The following NOL10 variants were observed in gnomAD, a reference collection of about 807,000 sequenced individuals.
The protein encoded by NOL10 is H_NH0074G24.1.
Under a neutral mutation model 103.5 loss-of-function variants are expected in NOL10, and 58 were observed. The ratio of observed to expected loss-of-function variants is 0.56; its 90% CI spans 0.45 to 0.70. The LOEUF is 0.70. NOL10 is among the 30% of genes least tolerant of loss of function. The pLI, the probability that NOL10 is intolerant of heterozygous loss-of-function variation, is 0.00. For missense variants in NOL10, 763 were observed against 807.3 expected (o/e 0.95, Z 0.67); for synonymous variants, 287 against 282.5 (o/e 1.02, Z -0.16).
chr2:10,627,728 A>T (rs1457173982), intron 13 of NOL10, among the ~76,000 whole-genome samples: 2 of 150,322 alleles, frequency 1.3e-5, no homozygotes, highest in Non-Finnish European at 3.0e-5. Flanking sequence ...ACAACAAAAA[A>T]CACATCTTTT....
chr2:10,602,498 T>G (rs1410939983), intron 16 of NOL10, among the ~76,000 whole-genome samples: 2 of 152,190 alleles, frequency 1.3e-5, no homozygotes, highest in African/African-American at 4.8e-5. Flanking sequence ...AAAAATGCTA[T>G]CAGGTTTCTA....
intron 13 of NOL10, among the ~76,000 whole-genome samples, chr2:10,617,482 TAAAC>T (rs774080774): frequency 5.3e-5 from 8 of 152,282 alleles, no homozygotes; most frequent in Middle Eastern, 3.4e-3. Flanking sequence ...GGACAGTCAC[TAAAC>T]AAACAACCAC....
intron 19 of NOL10, among the ~76,000 whole-genome samples, chr2:10,588,200 A>T (rs1675214346): frequency 6.6e-6 from 1 of 152,188 alleles, no homozygotes. Flanking sequence ...TTTTTTGGGG[A>T]AGGTTAATTT....
At chr2:10,576,585 T>C (rs984962761) in intron 20 of NOL10, among the ~76,000 whole-genome samples, 10 of 152,334 alleles carry the variant, frequency 6.6e-5, no homozygotes, top group African/African-American at 1.9e-4. Flanking sequence ...CTTGAAAACA[T>C]TATGCTCAGT....
rs1681268681 is a variant in NOL10 at position 10,675,817 on chromosome 2, A to G, written c.266T>C (p.Phe89Ser). The G allele has an allele frequency of 6.3e-7, 1 of 1,576,698 alleles. No homozygotes were observed. Among genetic ancestry groups the G allele is most frequent in the Admixed American group, 1.8e-5 (1 of 54,978 alleles). The change falls in exon 4 of 21, where the codon TTT becomes TCT. Residue 89 changes from phenylalanine (F) to serine (S), a missense_variant. Physicochemically the swap from Phe to Ser is radical, Grantham distance 155 (BLOSUM62 -2). Coordinates refer to ENST00000381685, the MANE Select transcript of NOL10 (RefSeq NM_024894.4). ...CYDTYQLSLK[F>S]ERCLDSEVVT... is the part of the protein sequence containing the mutation. ...ACCTTCTGAATCTAAACACCTTTCA[A>G]ACTTCAAGGATAATTGATAGGTGTC...
Position 10,571,944 on chromosome 2 carries a change from C to G in NOL10, c.*127G>C. ...AAGGCACAGGTTTTCAAATCTTTAC[C>G]TCTGTGTACAAGAACGTACATGAAC... On this transcript the variant is annotated 3_prime_UTR_variant, in exon 21 of 21. Coordinates refer to ENST00000381685, the MANE Select transcript of NOL10 (RefSeq NM_024894.4). 1 of 1,152,432 alleles carries G rather than the reference C, an allele frequency of 8.7e-7. No homozygotes were observed. The highest frequency in any genetic ancestry group is 1.2e-6 in the Non-Finnish European group (1 of 814,208). 71.4% of individuals were successfully genotyped at this position (1,152,432 alleles called of 1,614,324 possible). A position where few individuals can be genotyped will look rare whatever the true frequency, so the allele number is the denominator to read the frequency against.
chr2:10,667,007 G>A (rs922506499), intron 8 of NOL10, among the ~76,000 whole-genome samples: 1 of 152,146 alleles, frequency 6.6e-6, no homozygotes, highest in African/African-American at 2.4e-5. Context: ...ATTGGTAAGT[G>A]TGAAGGACAT....
At chr2:10,576,907 C>T (rs1267057614) in intron 20 of NOL10, among the ~76,000 whole-genome samples, 1 of 141,038 alleles carries the variant, frequency 7.1e-6, no homozygotes, top group Non-Finnish European at 1.6e-5. Context: ...CCTACTACTG[C>T]TTAAGGAAAA....
chr2:10,618,345 G>A lies in NOL10; in HGVS notation c.1027-11034C>T, dbSNP rs541365082. On this transcript the variant is annotated intron_variant, in intron 13 of 20. Transcript: ENST00000381685. Reference sequence around the variant, plus strand: ...TTTCAGGATGTGGACATCTGCTCAAGGCTCAGGCCAGAGCTCTTAGAAAGA... The same window carrying A: ...TTTCAGGATGTGGACATCTGCTCAAAGCTCAGGCCAGAGCTCTTAGAAAGA... Among the ~76,000 whole-genome samples, 65 of 152,230 alleles carry A rather than the reference G, an allele frequency of 4.3e-4. No homozygotes were observed. The South Asian group carries it at 0.013, about 30-fold the overall frequency.
At chr2:10,655,390 C>A (rs551022888) in intron 11 of NOL10, among the ~76,000 whole-genome samples, 2 of 152,148 alleles carry the variant, frequency 1.3e-5, no homozygotes, top group South Asian at 2.1e-4. Context: ...ATGCCTGCAC[C>A]GCAAGGTTTC....
chr2:10,582,244 C>T (rs1172826437), intron 19 of NOL10, among the ~76,000 whole-genome samples: 3 of 152,076 alleles, frequency 2.0e-5, no homozygotes, highest in Non-Finnish European at 2.9e-5. Flanking sequence ...GTTGCAGACA[C>T]GATAAAAAGC....
chr2:10,681,616 ATAAG>A (rs1244560916), intron 3 of NOL10, among the ~76,000 whole-genome samples: 1 of 152,224 alleles, frequency 6.6e-6, no homozygotes, highest in Non-Finnish European at 1.5e-5. Context: ...GAAAAAGGCT[ATAAG>A]TAAATACTGA....
intron 17 of NOL10, among the ~76,000 whole-genome samples, chr2:10,591,970 C>T (rs1184632009): frequency 4.0e-5 from 6 of 151,418 alleles, no homozygotes; most frequent in African/African-American, 1.5e-4. Context: ...ACCATGTACT[C>T]CAGCCTGCGT....
intron 12 of NOL10, among the ~76,000 whole-genome samples, chr2:10,648,022 C>T (rs867073958): frequency 1.1e-4 from 17 of 152,120 alleles, no homozygotes; most frequent in Non-Finnish European, 2.2e-4. Context: ...ACAAGCTCCC[C>T]GTGTCATGAA....
intron 1 of NOL10, among the ~76,000 whole-genome samples, chr2:10,684,923 C>G (rs1023354600): frequency 3.9e-5 from 6 of 152,304 alleles, no homozygotes; most frequent in Non-Finnish European, 7.4e-5. Flanking sequence ...AAGGCTCAAA[C>G]TCCTGGGCTC....
chr2:10,676,187 A>C (rs1404489136), intron 3 of NOL10, among the ~76,000 whole-genome samples: 1 of 152,244 alleles, frequency 6.6e-6, no homozygotes, highest in Non-Finnish European at 1.5e-5. Context: ...GTGTTGGTGA[A>C]AGTATAAAAT....
At chr2:10,588,054 T>C (rs1250451465) in intron 19 of NOL10, among the ~76,000 whole-genome samples, 1 of 152,214 alleles carries the variant, frequency 6.6e-6, no homozygotes, top group East Asian at 1.9e-4. Flanking sequence ...TCCAATCTTG[T>C]GCATCAATAC....
chr2:10,651,215 C>T (rs921510856), intron 12 of NOL10, among the ~76,000 whole-genome samples: 5 of 152,098 alleles, frequency 3.3e-5, no homozygotes, highest in Non-Finnish European at 7.4e-5. Flanking sequence ...TCTCTTTGGG[C>T]TTCTATATCC....
intron 13 of NOL10, among the ~76,000 whole-genome samples, chr2:10,637,104 A>G (rs1208345849): frequency 6.9e-6 from 1 of 144,294 alleles, no homozygotes; most frequent in Non-Finnish European, 1.5e-5. Context: ...TGAGAGGCTG[A>G]GGTAAGAGAA....
Sources: gnomAD v4.1 joint callset for allele counts (sites outside exome capture counted in the v4.1 genomes callset) on GRCh38, gnomAD v4.1.1 for gene constraint, MANE v1.5 for transcripts, NCBI Gene and HGNC (gene_info 2026-07-23, HGNC 2026-07-21) for gene names.